The following PTPRG variants were observed in gnomAD, a reference collection of about 807,000 sequenced individuals.
PTPRG encodes protein tyrosine phosphatase receptor type G.
PTPRG carries 102 observed loss-of-function variants against 165.3 expected under a neutral mutation model. The ratio of observed to expected loss-of-function variants is 0.62; its 90% confidence interval spans 0.53 to 0.73. The LOEUF (loss-of-function observed/expected upper bound fraction) is 0.73. Ranked by LOEUF, PTPRG falls within the 30% of genes least tolerant of loss-of-function variation. PTPRG has a pLI of 0.00. For synonymous variants in PTPRG, 675 were observed against 669.5 expected (o/e 1.01, Z -0.13); for missense variants, 1,866 against 1,861.4 (o/e 1.00, Z -0.05).
intron 2 of PTPRG, among the ~76,000 whole-genome samples, chr3:61,946,839 TC>T (rs1277870042): frequency 1.3e-5 from 2 of 152,226 alleles, no homozygotes; most frequent in African/African-American, 4.8e-5. Context: ...ATGTTAGAGC[TC>T]CTTACGGTAT....
intron 1 of PTPRG, among the ~76,000 whole-genome samples, chr3:61,681,365 A>G (rs1229006213): frequency 2.6e-5 from 4 of 152,216 alleles, no homozygotes; most frequent in Non-Finnish European, 5.9e-5. Flanking sequence ...AAACATTACA[A>G]TCAGCCTTGA....
intron 1 of PTPRG, among the ~76,000 whole-genome samples, chr3:61,685,480 G>A (rs1703594960): frequency 6.6e-6 from 1 of 152,226 alleles, no homozygotes; most frequent in African/African-American, 2.4e-5. Context: ...GAAGAAGCAG[G>A]ATTGGACAGG....
chr3:61,988,612 C>T (rs2040817738), intron 2 of PTPRG, among the ~76,000 whole-genome samples: 1 of 152,178 alleles, frequency 6.6e-6, no homozygotes, highest in Non-Finnish European at 1.5e-5. Context: ...TATATACACA[C>T]ATTAAGCTTT....
chr3:62,132,406 T>C (rs1217835209), intron 5 of PTPRG, among the ~76,000 whole-genome samples, 196 bp from the exon 6 acceptor site: 1 of 152,232 alleles, frequency 6.6e-6, no homozygotes, highest in African/African-American at 2.4e-5. Context: ...AGTTTCTTTC[T>C]TTTGATTTAA....
chr3:61,920,476 A>C (rs957964560), intron 2 of PTPRG, among the ~76,000 whole-genome samples: 1 of 152,110 alleles, frequency 6.6e-6, no homozygotes, highest in African/African-American at 2.4e-5. Context: ...GCTCACTGCA[A>C]ACTCCACCTC....
intron 28 of PTPRG, among the ~76,000 whole-genome samples, chr3:62,289,902 A>G (rs1420518780): frequency 6.6e-6 from 1 of 152,132 alleles, no homozygotes; most frequent in Non-Finnish European, 1.5e-5. Context: ...GTAAAAGCAG[A>G]AGATAGAAGA....
intron 6 of PTPRG, among the ~76,000 whole-genome samples, chr3:62,144,080 GTTTACATA>G (rs1479549714): frequency 1.3e-5 from 2 of 152,156 alleles, no homozygotes; most frequent in Non-Finnish European, 2.9e-5. Context: ...GCACTCACTT[GTTTACATA>G]TCATCTATGG....
intron 25 of PTPRG, 75 bp from the exon 26 acceptor site, chr3:62,277,476 T>C: frequency 6.7e-7 from 1 of 1,495,858 alleles, no homozygotes. Context: ...TCTTATTTCA[T>C]GAATATATTT....
At chr3:61,842,892 G>T (rs940439804) in intron 2 of PTPRG, among the ~76,000 whole-genome samples, 1 of 152,074 alleles carries the variant, frequency 6.6e-6, no homozygotes, top group Non-Finnish European at 1.5e-5. Flanking sequence ...CATAAGTTAA[G>T]AACAAACTTT....
Position 61,718,213 on chromosome 3 carries a change from CAA to C in PTPRG, c.86-30650_86-30649del, listed in dbSNP as rs376955925. Among the ~76,000 whole-genome samples the C allele has an allele frequency of 9.8e-3, 1,007 of 102,386 alleles. 13 individuals are homozygous for C. The highest frequency in any genetic ancestry group is 0.041 in the South Asian group (125 of 3,062). The allele number at this position is 102,386 out of a possible 152,430, so 67.2% of individuals were successfully genotyped here. On this transcript the variant is annotated intron_variant, in intron 1 of 29. Coordinates refer to ENST00000474889, the MANE Select transcript of PTPRG (RefSeq NM_002841.4). Reference sequence around the variant, plus strand: ...CAAAACAAAACAAAAAAACAAAAACCAAAAAAAAAAAAAAAACGCAGACTCAG... The same window carrying C: ...CAAAACAAAACAAAAAAACAAAAACCAAAAAAAAAAAAAACGCAGACTCAG...
At chr3:61,723,136 A>G (rs1456505239) in intron 1 of PTPRG, among the ~76,000 whole-genome samples, 1 of 152,160 alleles carries the variant, frequency 6.6e-6, no homozygotes, top group Non-Finnish European at 1.5e-5. Context: ...GAATTCATAT[A>G]ATCCATCCTT....
intron 2 of PTPRG, among the ~76,000 whole-genome samples, chr3:61,767,166 C>T (rs1254243569): frequency 7.6e-6 from 1 of 131,674 alleles, no homozygotes; most frequent in Non-Finnish European, 1.5e-5. Context: ...ATTCCTTGAA[C>T]CTGAGAGACA....
rs964957115 is a variant in PTPRG, at chr3:62,252,304, G to T, written c.2468-2820G>T. On this transcript the variant is annotated intron_variant, in intron 15 of 29. Transcript: ENST00000474889. This position sits in a 1 kb window ranked among gnomAD's most constrained non-coding sequence, Gnocchi z 4.6. ...GGCTGAATACTAGGTGCTCAGAAAC[G>T]GCTTCATCCAGGGGTTTCCCATTCT... 1.3e-5 allele frequency among the ~76,000 whole-genome samples: 2 copies of T among 152,104 alleles called. No individual in the cohort carries two copies. Among genetic ancestry groups the T allele is most frequent in the East Asian group, 1.9e-4 (1 of 5,194 alleles).
chr3:61,940,087 C>T (rs985410612), intron 2 of PTPRG, among the ~76,000 whole-genome samples: 1 of 151,768 alleles, frequency 6.6e-6, no homozygotes, highest in African/African-American at 2.4e-5. Flanking sequence ...GCAGGGATTA[C>T]AGGCACCTAC....
chr3:61,935,649 A>C (rs1035790705), intron 2 of PTPRG, among the ~76,000 whole-genome samples: 2 of 149,330 alleles, frequency 1.3e-5, no homozygotes, highest in African/African-American at 2.5e-5. Context: ...TTTACTGCTG[A>C]TATCTTTTTT....
At chr3:61,987,124 G>GA (rs2040782109) in intron 2 of PTPRG, among the ~76,000 whole-genome samples, 1 of 152,130 alleles carries the variant, frequency 6.6e-6, no homozygotes, top group South Asian at 2.1e-4. Context: ...TGCAAGCTTG[G>GA]AAAAAGTGTT....
At chr3:62,014,581 A>G (rs2041497162) in intron 4 of PTPRG, among the ~76,000 whole-genome samples, 2 of 152,148 alleles carry the variant, frequency 1.3e-5, no homozygotes. Context: ...AAAATTCAGT[A>G]TTTCAGGGAA....
chr3:62,068,136 T>C (rs1008069645), intron 4 of PTPRG, among the ~76,000 whole-genome samples: 1 of 152,096 alleles, frequency 6.6e-6, no homozygotes, highest in Non-Finnish European at 1.5e-5. Flanking sequence ...CTGTATAAAA[T>C]AGGAAAAATA....
chr3:61,685,812 T>C (rs375889784), intron 1 of PTPRG, among the ~76,000 whole-genome samples: 7 of 152,324 alleles, frequency 4.6e-5, no homozygotes, highest in African/African-American at 1.7e-4. Flanking sequence ...TGAAAATGTA[T>C]CCTGTTAGTC....
Sources: allele counts gnomAD v4.1 joint callset (sites outside exome capture counted in the v4.1 genomes callset), GRCh38; gene constraint gnomAD v4.1.1; non-coding constraint Gnocchi (gnomAD v3.1); transcripts MANE v1.5; gene names NCBI Gene and HGNC (gene_info 2026-07-23, HGNC 2026-07-21).